DNER: variants seen among roughly 807,000 people sequenced by gnomAD.
The protein encoded by DNER is delta and Notch-like epidermal growth factor-related receptor.
Under a neutral mutation model 78.2 loss-of-function variants are expected in DNER, and 33 were observed. The observed-to-expected ratio is 0.42, with a 90% CI of 0.32 to 0.56. The LOEUF (loss-of-function observed/expected upper bound fraction) is 0.56. Ranked by LOEUF, DNER falls within the 20% of genes least tolerant of loss-of-function variation. The pLI, the probability that DNER is intolerant of heterozygous loss-of-function variation, is 0.11. For missense variants in DNER, 918 were observed against 975.3 expected, an observed-to-expected ratio of 0.94 and a Z score of 0.78; for synonymous variants, 417 against 384.8, an observed-to-expected ratio of 1.08 and a Z score of -0.98.
At chr2:229,573,423 T>C (rs1697249032) in intron 4 of DNER, among the ~76,000 whole-genome samples, 1 of 152,210 alleles carries the variant, frequency 6.6e-6, no homozygotes, top group Admixed American at 6.5e-5. Context: ...CTCTGGTCCA[T>C]TTTCTTGATG....
At chr2:229,371,945 A>C (rs1179119087) in intron 11 of DNER, among the ~76,000 whole-genome samples, 1 of 152,188 alleles carries the variant, frequency 6.6e-6, no homozygotes. Flanking sequence ...GTGAGGAGGG[A>C]TGTCAAATTA....
At chr2:229,694,057 C>G (rs966575731) in intron 1 of DNER, among the ~76,000 whole-genome samples, 3 of 152,252 alleles carry the variant, frequency 2.0e-5, no homozygotes, top group African/African-American at 2.4e-5. Context: ...TGTGTCCCAC[C>G]TGCTTCAGCT....
chr2:229,578,530 C>T (rs780879013), intron 4 of DNER, among the ~76,000 whole-genome samples: 4 of 152,176 alleles, frequency 2.6e-5, no homozygotes, highest in African/African-American at 7.2e-5. Context: ...GGCCACTATG[C>T]CTGGCTTCAG....
At chr2:229,567,726 C>T (rs1233056654) in intron 4 of DNER, among the ~76,000 whole-genome samples, 1 of 152,164 alleles carries the variant, frequency 6.6e-6, no homozygotes, top group African/African-American at 2.4e-5. Context: ...GAGGGTTTAC[C>T]AAGAAATAAT....
At chr2:229,366,450 T>C (rs1692348338) in intron 12 of DNER, among the ~76,000 whole-genome samples, 1 of 152,202 alleles carries the variant, frequency 6.6e-6, no homozygotes, top group African/African-American at 2.4e-5. Flanking sequence ...ATATTCACTC[T>C]AAAAGTAGAA....
At chr2:229,538,095 T>G (rs1696445158) in intron 5 of DNER, among the ~76,000 whole-genome samples, 1 of 152,244 alleles carries the variant, frequency 6.6e-6, no homozygotes, top group South Asian at 2.1e-4. Flanking sequence ...GCACTTACTT[T>G]TATGATCTCT....
chr2:229,641,631 G>A (rs1052127305), intron 1 of DNER, among the ~76,000 whole-genome samples: 1 of 150,724 alleles, frequency 6.6e-6, no homozygotes, highest in African/African-American at 2.4e-5. Flanking sequence ...CTACAATGTT[G>A]GTCCTCTGAT....
At chr2:229,503,879 C>T (rs1259428750) in intron 6 of DNER, among the ~76,000 whole-genome samples, 3 of 151,778 alleles carry the variant, frequency 2.0e-5, no homozygotes, top group Non-Finnish European at 4.4e-5. Context: ...GTAGCTGGTA[C>T]TACAGATGCA....
rs145530338 is a variant in DNER at position 229,421,059 on chromosome 2, T to C, written c.1487-2829A>G. Among the ~76,000 whole-genome samples the C allele has an allele frequency of 7.5e-3, 1,136 of 152,284 alleles. 5 individuals carry two copies. Among genetic ancestry groups the C allele is most frequent in the Non-Finnish European group, 0.011 (771 of 67,994 alleles). The stretch of plus-strand genomic sequence containing the variant: ...GAACGGACAGGTCAAGCAAAAGTGG[T>C]ACATAATACAATGGAATATTATTCA... On this transcript the variant is annotated intron_variant, in intron 8 of 12. Coordinates refer to ENST00000341772, the MANE Select transcript of DNER (RefSeq NM_139072.4).
chr2:229,459,032 T>A (rs1039830790), intron 7 of DNER, among the ~76,000 whole-genome samples: 3 of 152,014 alleles, frequency 2.0e-5, no homozygotes, highest in African/African-American at 7.3e-5. Context: ...TCAAAAAGCA[T>A]AAAATAGGAT....
At chr2:229,638,769 C>A (rs1378768383) in intron 1 of DNER, among the ~76,000 whole-genome samples, 1 of 152,188 alleles carries the variant, frequency 6.6e-6, no homozygotes, top group Non-Finnish European at 1.5e-5. Flanking sequence ...GAATTATATC[C>A]TTTCACTACT....
intron 11 of DNER, among the ~76,000 whole-genome samples, chr2:229,376,200 C>A (rs917456423): frequency 6.6e-6 from 1 of 152,046 alleles, no homozygotes; most frequent in African/African-American, 2.4e-5. Context: ...AACTAATCAA[C>A]GAAGCGATGG....
chr2:229,454,873 C>A (rs192707883), intron 7 of DNER, among the ~76,000 whole-genome samples: 20 of 150,764 alleles, frequency 1.3e-4, no homozygotes, highest in African/African-American at 4.7e-4. Context: ...ATTATACAGT[C>A]TAAAAAAAGA....
chr2:229,397,878 GA>G (rs1366924163), intron 10 of DNER, among the ~76,000 whole-genome samples: 1 of 152,144 alleles, frequency 6.6e-6, no homozygotes, highest in African/African-American at 2.4e-5. Flanking sequence ...AAGCAGTACT[GA>G]GGGGGAAATT....
At chr2:229,464,273 G>A (rs527390013) in intron 7 of DNER, among the ~76,000 whole-genome samples, 7 of 152,260 alleles carry the variant, frequency 4.6e-5, no homozygotes, top group African/African-American at 1.7e-4. Flanking sequence ...ATCATCAGCT[G>A]TAAAAGACCC....
rs140985900 is a variant in DNER at position 229,496,171 on chromosome 2, T to A, written c.1147+16612A>T. Among the ~76,000 whole-genome samples, 5 of 152,336 alleles carry A rather than the reference T, an allele frequency of 3.3e-5. No homozygotes were observed. In the East Asian group the frequency reaches 9.6e-4, roughly 29 times the overall value. On this transcript the variant is annotated intron_variant, in intron 6 of 12. Coordinates refer to ENST00000341772, the MANE Select transcript of DNER (RefSeq NM_139072.4). ...AAGTTTAATAAACTCCTCTTAGATT[T>A]TCTTGCAGTAATTGATGCGGATGAC...
intron 1 of DNER, among the ~76,000 whole-genome samples, chr2:229,694,222 T>G (rs1010924588): frequency 2.0e-5 from 3 of 152,148 alleles, no homozygotes; most frequent in African/African-American, 7.2e-5. Flanking sequence ...TTTCAGAGGG[T>G]GCATGGAAAC....
In DNER at chr2:229,600,301, C is replaced by T. The variant is rs547757556; in HGVS notation, c.277-8413G>A. ...GCAGTTGAGTACTGACAACTGAAAG[C>T]GCCTGGCCCACAAAGCCTATATGAT... On this transcript the variant is annotated intron_variant, in intron 1 of 12. Transcript: ENST00000341772. Among the ~76,000 whole-genome samples the T allele has an allele frequency of 5.3e-5, 8 of 152,322 alleles. No individual in the cohort carries two copies. The East Asian group carries it at 9.6e-4, about 18-fold the overall frequency.
chr2:229,402,268 G>C (rs921863135), intron 10 of DNER, among the ~76,000 whole-genome samples: 2 of 152,146 alleles, frequency 1.3e-5, no homozygotes, highest in Admixed American at 6.6e-5. Flanking sequence ...TCCAGAATAT[G>C]TAAAGAATTC....
Sources: allele counts gnomAD v4.1 joint callset (sites outside exome capture counted in the v4.1 genomes callset), GRCh38; gene constraint gnomAD v4.1.1; transcripts MANE v1.5; gene names NCBI Gene and HGNC (gene_info 2026-07-23, HGNC 2026-07-21).